TRDN: variants seen among roughly 807,000 people sequenced by gnomAD.
TRDN encodes the protein triadin in skeletal muscle.
A neutral mutation model predicts 149.7 loss-of-function variants in TRDN; 161 were observed. The observed-to-expected ratio is 1.08, with a 90% CI of 0.95 to 1.23. TRDN has a LOEUF of 1.23. TRDN is among the 50% of genes most tolerant of loss of function. The probability of loss-of-function intolerance (pLI) is 0.00; values close to 1 mark genes in which losing one functional copy is unlikely to be tolerated. For synonymous variants in TRDN, 294 were observed against 250.5 expected (o/e 1.17, Z -1.64); for missense variants, 896 against 823.5 (o/e 1.09, Z -1.08).
chr6:123,483,564 G>A (rs1777858811), intron 9 of TRDN, among the ~76,000 whole-genome samples: 1 of 152,046 alleles, frequency 6.6e-6, no homozygotes, highest in Non-Finnish European at 1.5e-5. Flanking sequence ...GATAAAACAC[G>A]CCTTGATAAG....
At chr6:123,376,592 G>A (rs1012381745) in intron 18 of TRDN, among the ~76,000 whole-genome samples, 2 of 152,012 alleles carry the variant, frequency 1.3e-5, no homozygotes, top group Non-Finnish European at 2.9e-5. Flanking sequence ...AAGATAATAC[G>A]ATTTTAACAG....
chr6:123,584,982 A>C (rs912673116), intron 1 of TRDN, among the ~76,000 whole-genome samples: 4 of 152,104 alleles, frequency 2.6e-5, no homozygotes, highest in African/African-American at 9.7e-5. Flanking sequence ...GCCATGCTGT[A>C]GCAGGCAAGT....
intron 12 of TRDN, among the ~76,000 whole-genome samples, chr6:123,404,745 T>C (rs958888455): frequency 1.3e-5 from 2 of 152,200 alleles, no homozygotes; most frequent in Non-Finnish European, 2.9e-5. Flanking sequence ...GCGCCTCCCA[T>C]GGACTGTTCT....
chr6:123,487,419 A>G (rs1389136481), intron 9 of TRDN, among the ~76,000 whole-genome samples: 3 of 152,092 alleles, frequency 2.0e-5, no homozygotes, highest in African/African-American at 4.8e-5. Context: ...CCACCCATGA[A>G]TAATGGCTTC....
chr6:123,530,899 A>C (rs1780219680), intron 4 of TRDN, among the ~76,000 whole-genome samples: 1 of 152,026 alleles, frequency 6.6e-6, no homozygotes, highest in Non-Finnish European at 1.5e-5. Context: ...ATACAAATTA[A>C]GAATCCTTAA....
chr6:123,576,912 A>T (rs1270869550), intron 1 of TRDN, among the ~76,000 whole-genome samples: 3 of 152,084 alleles, frequency 2.0e-5, no homozygotes, highest in Non-Finnish European at 2.9e-5. Context: ...GTCAGGAGAC[A>T]TGTGACATCA....
At chr6:123,557,292 C>T (rs1009270503) in intron 2 of TRDN, among the ~76,000 whole-genome samples, 2 of 152,038 alleles carry the variant, frequency 1.3e-5, no homozygotes, top group African/African-American at 4.8e-5. Context: ...GATCGGGGGA[C>T]CTCCCTTGGG....
chr6:123,615,809 G>A lies in TRDN; in HGVS notation c.22+20945C>T, dbSNP rs145780963. ...TGGATATAAAACTCCAGCTAGATAG[G>A]AGGAATAAGTTCTACTGTCCTACAG... is the stretch of plus-strand genomic sequence containing the variant. On this transcript the variant is annotated intron_variant, in intron 1 of 40. Coordinates refer to ENST00000334268, the MANE Select transcript of TRDN (RefSeq NM_006073.4). 9.1e-4 allele frequency among the ~76,000 whole-genome samples: 138 copies of A among 152,214 alleles called. 2 individuals carry two copies. Among genetic ancestry groups the A allele is most frequent in the African/African-American group, 3.1e-3 (130 of 41,550 alleles).
intron 21 of TRDN, chr6:123,351,510 A>G: frequency 1.0e-6 from 1 of 983,202 alleles, no homozygotes; most frequent in Non-Finnish European, 1.2e-6. Context: ...CCCAGAAGCC[A>G]GAATAAATTG....
rs370533772 is a variant in TRDN, at chr6:123,463,333, G to A, written c.931+1573C>T. Among the ~76,000 whole-genome samples, 819 of 147,308 alleles carry A rather than the reference G, an allele frequency of 5.6e-3. 8 individuals are homozygous for A. Among genetic ancestry groups the A allele is most frequent in the African/African-American group, 0.019 (752 of 40,008 alleles). ...AGCCTGGGCAGCAGAGCAAGACTCCGTCTCAAGAAAAAAAAAAAATAAATA... is the reference window on the plus strand; with the variant it reads ...AGCCTGGGCAGCAGAGCAAGACTCCATCTCAAGAAAAAAAAAAAATAAATA... On this transcript the variant is annotated intron_variant, in intron 10 of 40. Transcript: ENST00000334268.
chr6:123,585,275 A>T (rs1011735148), intron 1 of TRDN, among the ~76,000 whole-genome samples: 2 of 151,918 alleles, frequency 1.3e-5, no homozygotes, highest in Non-Finnish European at 2.9e-5. Flanking sequence ...CTAATAGGGA[A>T]CTGGGCAGGT....
rs574001828 is a variant in TRDN at position 123,433,699 on chromosome 6, A to G, written c.1051+4364T>C. Among the ~76,000 whole-genome samples, 21 of 152,256 alleles carry G rather than the reference A, an allele frequency of 1.4e-4. No individual in the cohort carries two copies. The East Asian group carries it at 3.9e-3, about 28-fold the overall frequency. The stretch of plus-strand genomic sequence containing the variant: ...AATATGATTTTATACCATTATCAAT[A>G]GTTATTTTGTCAAAATTATTTTCAC... On this transcript the variant is annotated intron_variant, in intron 12 of 40. Transcript: ENST00000334268.
intron 1 of TRDN, among the ~76,000 whole-genome samples, chr6:123,635,091 C>G (rs930193905): frequency 6.6e-6 from 1 of 151,872 alleles, no homozygotes; most frequent in East Asian, 1.9e-4. Context: ...CACCTGGGAG[C>G]CCAAACCCTG....
intron 20 of TRDN, among the ~76,000 whole-genome samples, chr6:123,360,088 T>C (rs577008166): frequency 6.6e-6 from 1 of 152,276 alleles, no homozygotes; most frequent in Admixed American, 6.5e-5. Context: ...GGTAAACGTG[T>C]GCCATGGTGG....
chr6:123,377,165 T>G (rs1338615661), intron 18 of TRDN, among the ~76,000 whole-genome samples: 2 of 152,150 alleles, frequency 1.3e-5, no homozygotes, highest in Admixed American at 1.3e-4. Context: ...TGTAAATATA[T>G]TTTGGGCAAA....
intron 10 of TRDN, chr6:123,456,872 A>G (rs778952873): frequency 2.2e-6 from 1 of 456,006 alleles, no homozygotes; most frequent in South Asian, 1.5e-5. Context: ...GGATGACGCC[A>G]TTTGGAATTG....
intron 9 of TRDN, among the ~76,000 whole-genome samples, chr6:123,495,289 C>T (rs893492278): frequency 8.6e-5 from 13 of 151,664 alleles, no homozygotes; most frequent in South Asian, 2.1e-4. Flanking sequence ...GAGGCCGAGT[C>T]GGGCAGATAA....
In TRDN at chr6:123,590,531, G is replaced by A. The variant is rs192797149; in HGVS notation, c.23-19399C>T. On this transcript the variant is annotated intron_variant, in intron 1 of 40. Coordinates refer to ENST00000334268, the MANE Select transcript of TRDN (RefSeq NM_006073.4). ...TGTAATCCCAGCACTTTGGGAGGCC[G>A]AGGCAGGCAGATCATGAGGTCAGGA... is the stretch of plus-strand genomic sequence containing the variant. 5.1e-4 allele frequency among the ~76,000 whole-genome samples: 78 copies of A among 152,238 alleles called. 2 individuals are homozygous for A. The highest frequency in any genetic ancestry group is 3.9e-3 in the South Asian group (19 of 4,816).
intron 1 of TRDN, among the ~76,000 whole-genome samples, chr6:123,629,543 T>C (rs760610383): frequency 2.0e-5 from 3 of 152,162 alleles, no homozygotes; most frequent in Non-Finnish European, 4.4e-5. Flanking sequence ...TTTGTTCTTA[T>C]AGGTCAAAAT....
Sources: gnomAD v4.1 joint callset for allele counts (sites outside exome capture counted in the v4.1 genomes callset) on GRCh38, gnomAD v4.1.1 for gene constraint, MANE v1.5 for transcripts, NCBI Gene and HGNC (gene_info 2026-07-23, HGNC 2026-07-21) for gene names.